JAM3: variants seen among roughly 807,000 people sequenced by gnomAD.
The protein encoded by JAM3 is junctional adhesion molecule C.
JAM3 carries 31 observed loss-of-function variants against 39.4 expected under a neutral mutation model. The observed-to-expected ratio is 0.79, with a 90% confidence interval of 0.59 to 1.06. The LOEUF is 1.06. Among genes scored for constraint, JAM3 ranks in the 50% least tolerant of loss-of-function variants. The pLI is 0.00. For synonymous variants in JAM3, 182 were observed against 148.7 expected (o/e 1.22, Z -1.63); for missense variants, 455 against 391.4 (o/e 1.16, Z -1.37).
At chr11:134,072,012 T>A (rs1273553628) in intron 1 of JAM3, among the ~76,000 whole-genome samples, 1 of 152,208 alleles carries the variant, frequency 6.6e-6, no homozygotes, top group African/African-American at 2.4e-5. Flanking sequence ...GGCAGAATTA[T>A]CCACACAACC....
chr11:134,094,956 T>C (rs927285299), intron 1 of JAM3, among the ~76,000 whole-genome samples: 1 of 152,278 alleles, frequency 6.6e-6, no homozygotes, highest in Admixed American at 6.5e-5. Context: ...GGCAGCAGTC[T>C]GCTTCCTTCA....
chr11:134,109,022 T>G (rs758262422), intron 1 of JAM3, among the ~76,000 whole-genome samples: 4 of 152,070 alleles, frequency 2.6e-5, no homozygotes, highest in Non-Finnish European at 5.9e-5. Flanking sequence ...AGTGGCACAA[T>G]CTCAGCTCAC....
intron 1 of JAM3, among the ~76,000 whole-genome samples, chr11:134,134,446 C>T (rs1942826898): frequency 7.5e-6 from 1 of 132,930 alleles, no homozygotes; most frequent in Non-Finnish European, 1.6e-5. Flanking sequence ...CATAATCACA[C>T]TGCAGAAAAT....
At chr11:134,088,193 TCA>T (rs1318226854) in intron 1 of JAM3, among the ~76,000 whole-genome samples, 8 of 152,188 alleles carry the variant, frequency 5.3e-5, no homozygotes, top group African/African-American at 1.9e-4. Context: ...CCCCTTAAAT[TCA>T]CAGTTTCATT....
At chr11:134,123,213 AGTT>A (rs1230155106) in intron 1 of JAM3, among the ~76,000 whole-genome samples, 1 of 148,268 alleles carries the variant, frequency 6.7e-6, no homozygotes, top group Non-Finnish European at 1.5e-5. Context: ...TTATTTATTT[AGTT>A]ATTTGTTTGT....
intron 6 of JAM3, 149 bp downstream of exon 6, chr11:134,146,194 C>T: frequency 1.4e-6 from 1 of 696,382 alleles, no homozygotes. Context: ...ACCCACTGCA[C>T]AGTGAAGGGA....
At chr11:134,112,287 C>A (rs1265196751) in intron 1 of JAM3, among the ~76,000 whole-genome samples, 3 of 152,044 alleles carry the variant, frequency 2.0e-5, no homozygotes, top group African/African-American at 7.3e-5. Context: ...GGGGTTTAAC[C>A]ATGTTGACCA....
At chr11:134,147,513 G>C (rs958603277) in intron 6 of JAM3, among the ~76,000 whole-genome samples, 3 of 148,362 alleles carry the variant, frequency 2.0e-5, no homozygotes, top group Non-Finnish European at 4.4e-5. Context: ...TTGAGATGGA[G>C]TCTCGCTCTG....
At chr11:134,125,328 G>T (rs914719234) in intron 1 of JAM3, among the ~76,000 whole-genome samples, 2 of 152,138 alleles carry the variant, frequency 1.3e-5, no homozygotes, top group Non-Finnish European at 2.9e-5. Context: ...TTTTTAGGTC[G>T]CTTCCCTTGC....
At chr11:134,130,603 A>G (rs1381609373) in intron 1 of JAM3, among the ~76,000 whole-genome samples, 1 of 152,214 alleles carries the variant, frequency 6.6e-6, no homozygotes, top group Non-Finnish European at 1.5e-5. Flanking sequence ...AACGAAGATT[A>G]TAGCAACCAA....
rs374174597 is a variant in JAM3 at position 134,144,351 on chromosome 11, C to T, written c.367C>T (p.Arg123Cys). ...YRCEVVARND[R>C]KEIDEIVIEL... ...CTGTGAGGTCGTTGCTCGAAATGACCGCAAGGAAATTGATGAGATTGTGAT... is the reference window on the plus strand; with the variant it reads ...CTGTGAGGTCGTTGCTCGAAATGACTGCAAGGAAATTGATGAGATTGTGAT... The change falls in exon 4 of 9, where the codon CGC (arginine) becomes TGC (cysteine). Residue 123 changes from arginine to cysteine, a missense_variant. Transcript: ENST00000299106. 3.0e-5 allele frequency: 48 copies of T among 1,614,034 alleles called. No homozygotes were observed. The highest frequency in any genetic ancestry group is 1.6e-4 in the Middle Eastern group (1 of 6,084).
At chr11:134,083,674 C>CA (rs1941702829) in intron 1 of JAM3, among the ~76,000 whole-genome samples, 1 of 151,818 alleles carries the variant, frequency 6.6e-6, no homozygotes, top group African/African-American at 2.4e-5. Context: ...AAAAAAACAC[C>CA]AAAAAACCTC....
intron 1 of JAM3, among the ~76,000 whole-genome samples, chr11:134,134,909 C>CAT (rs1299021801): frequency 1.3e-5 from 2 of 152,004 alleles, no homozygotes; most frequent in South Asian, 4.2e-4. Context: ...AATCCCTTAT[C>CAT]ATATATATAT....
chr11:134,149,272 G>A lies in JAM3; in HGVS notation c.*91G>A. On this transcript the variant is annotated 3_prime_UTR_variant, in exon 9 of 9. Transcript: ENST00000299106. Reference sequence around the variant, plus strand: ...AAGGCAGCGAGAGCTGATGCACTCGGACAGAGCTAGACACTCATTCAGAAG... The same window carrying A: ...AAGGCAGCGAGAGCTGATGCACTCGAACAGAGCTAGACACTCATTCAGAAG... 1 of 1,436,068 alleles carries A rather than the reference G, an allele frequency of 7.0e-7. No homozygotes were observed. Among genetic ancestry groups the A allele is most frequent in the Non-Finnish European group, 9.7e-7 (1 of 1,026,016 alleles). 89.0% of individuals were successfully genotyped at this position (1,436,068 alleles called of 1,614,324 possible). A position where few individuals can be genotyped will look rare whatever the true frequency, so the allele number is the denominator to read the frequency against.
Position 134,069,098 on chromosome 11 carries a change from G to C in JAM3, c.15G>C (p.Arg5=), listed in dbSNP as rs778613911. The C allele has an allele frequency of 5.6e-5, 91 of 1,611,472 alleles. No homozygotes were observed. Among genetic ancestry groups the C allele is most frequent in the Non-Finnish European group, 7.4e-5 (87 of 1,179,128 alleles). MALR[R]PPRLRLCARL... Reference sequence around the variant, plus strand: ...CAACCCTCGACATGGCGCTGAGGCGGCCACCGCGACTCCGGCTCTGCGCTC... The same window carrying C: ...CAACCCTCGACATGGCGCTGAGGCGCCCACCGCGACTCCGGCTCTGCGCTC... Residue 5 remains arginine (R), a synonymous_variant, in exon 1 of 9, where the codon CGG becomes CGC. Transcript: ENST00000299106.
intron 1 of JAM3, among the ~76,000 whole-genome samples, chr11:134,087,903 T>C (rs895817525): frequency 6.6e-6 from 1 of 152,228 alleles, no homozygotes; most frequent in African/African-American, 2.4e-5. Context: ...TTATGGAGGC[T>C]GTCTTGTGCA....
At chr11:134,145,869 C>G (rs1943061894) in intron 5 of JAM3, 77 bp from the exon 6 acceptor site, 1 of 949,260 alleles carries the variant, frequency 1.1e-6, no homozygotes, top group Non-Finnish European at 1.7e-6. Context: ...CGACCTAGTT[C>G]TGGACCCAGC....
At chr11:134,128,234 G>T (rs189460706) in intron 1 of JAM3, among the ~76,000 whole-genome samples, 2 of 152,260 alleles carry the variant, frequency 1.3e-5, no homozygotes, top group East Asian at 3.9e-4. Context: ...TGTGGTTTTA[G>T]AAATCCTTTG....
chr11:134,141,927 C>T (rs889283706), intron 3 of JAM3, among the ~76,000 whole-genome samples: 13 of 151,962 alleles, frequency 8.6e-5, no homozygotes, highest in African/African-American at 2.9e-4. Flanking sequence ...GCAGCTCCAA[C>T]ACAGTCTTGC....
Sources: allele counts gnomAD v4.1 joint callset (sites outside exome capture counted in the v4.1 genomes callset), GRCh38; gene constraint gnomAD v4.1.1; transcripts MANE v1.5; gene names NCBI Gene and HGNC (gene_info 2026-07-23, HGNC 2026-07-21).